CDK7: variants seen among roughly 807,000 people sequenced by gnomAD.
The protein encoded by CDK7 is cyclin-dependent kinase 7.
In CDK7, 25 loss-of-function variants were observed where a neutral mutation model predicts 49.1. The observed-to-expected ratio is 0.51, with a 90% confidence interval of 0.37 to 0.71. The LOEUF is 0.71. Among genes scored for constraint, CDK7 ranks in the 30% least tolerant of loss-of-function variants. The pLI is 0.00. For synonymous variants in CDK7, 107 were observed against 140.0 expected (o/e 0.76, Z 1.67); for missense variants, 316 against 411.7 (o/e 0.77, Z 2.01).
chr5:69,249,427 G>A (rs1749989442), intron 2 of CDK7, among the ~76,000 whole-genome samples: 1 of 152,054 alleles, frequency 6.6e-6, no homozygotes, highest in Admixed American at 6.6e-5. Flanking sequence ...TGTGGTCCCA[G>A]CTTCTTGGGG....
intron 5 of CDK7, 44 bp downstream of exon 5, chr5:69,255,572 C>T (rs1750430144): frequency 1.6e-6 from 2 of 1,285,280 alleles, no homozygotes. Flanking sequence ...CCCAGTTTAT[C>T]AAACAAGAAC....
intron 4 of CDK7, 115 bp downstream of exon 4, chr5:69,254,784 T>TAA: frequency 1.6e-6 from 1 of 639,764 alleles, no homozygotes; most frequent in South Asian, 2.0e-5. Flanking sequence ...TGTAGAAGCT[T>TAA]AAAGGAAATA....
intron 6 of CDK7, among the ~76,000 whole-genome samples, chr5:69,258,888 C>T (rs913464843): frequency 6.6e-6 from 1 of 151,928 alleles, no homozygotes; most frequent in African/African-American, 2.4e-5. Flanking sequence ...CCAGCCTGGG[C>T]AATATAGTGA....
In CDK7 at chr5:69,234,936, G is replaced by GCT. The variant is rs773214219; in HGVS notation, c.-38_-37dup. The GCT allele has an allele frequency of 1.0e-4, 159 of 1,561,412 alleles. No homozygotes were observed. The highest frequency in any genetic ancestry group is 1.3e-4 in the Non-Finnish European group (153 of 1,149,862). ...GCTTTAAATTCGTGTTGTCCTGGGA[G>GCT]CTCGCCCTTTTCGGCTGGAGTCGGG... On this transcript the variant is annotated 5_prime_UTR_variant, in exon 1 of 12. Transcript: ENST00000256443.
At chr5:69,236,954 CTT>C (rs4053029) in intron 2 of CDK7, among the ~76,000 whole-genome samples, 152 of 84,262 alleles carry the variant, frequency 1.8e-3, no homozygotes, top group South Asian at 0.018. Context: ...GCCTGGCCTT[CTT>C]TTTTTTTTTT....
intron 3 of CDK7, among the ~76,000 whole-genome samples, chr5:69,254,248 G>A (rs555894434): frequency 6.6e-6 from 1 of 152,262 alleles, no homozygotes; most frequent in East Asian, 1.9e-4. Flanking sequence ...TTGTGGCTGG[G>A]TGTGGTGGCT....
chr5:69,275,738 C>T (rs550313274), intron 10 of CDK7, among the ~76,000 whole-genome samples: 25 of 152,224 alleles, frequency 1.6e-4, no homozygotes, highest in African/African-American at 5.1e-4. Context: ...CTTAGGGAGG[C>T]GGAGGCGGGA....
chr5:69,259,894 T>C lies in CDK7; in HGVS notation c.485T>C (p.Phe162Ser), dbSNP rs771273531. Reference sequence around the variant, plus strand: ...GCAGATTTTGGCCTGGCCAAATCTTTTGGGAGCCCCAATAGAGCTTATACA... The same window carrying C: ...GCAGATTTTGGCCTGGCCAAATCTTCTGGGAGCCCCAATAGAGCTTATACA... The part of the protein sequence containing the change: ...KLADFGLAKS[F>S]GSPNRAYTHQ... The change falls in exon 7 of 12, where the codon TTT (phenylalanine) becomes TCT (serine). Residue 162 changes from phenylalanine (F) to serine (S), a missense_variant. Physicochemically the swap from Phe to Ser is radical, Grantham distance 155. Coordinates refer to ENST00000256443, the MANE Select transcript of CDK7 (RefSeq NM_001799.4). 7 of 1,613,830 alleles carry C rather than the reference T, an allele frequency of 4.3e-6. No homozygotes were observed. Among genetic ancestry groups the C allele is most frequent in the African/African-American group, 2.7e-5 (2 of 74,930 alleles).
At chr5:69,267,938 ATAT>A (rs1415930108) in intron 8 of CDK7, among the ~76,000 whole-genome samples, 1 of 152,104 alleles carries the variant, frequency 6.6e-6, no homozygotes, top group Non-Finnish European at 1.5e-5. Context: ...AATAGTTGTA[ATAT>A]TATTTAATAT....
chr5:69,255,625 G>GA, intron 5 of CDK7, 97 bp downstream of exon 5: 1 of 893,640 alleles, frequency 1.1e-6, no homozygotes, highest in Non-Finnish European at 1.9e-6. Context: ...GGTAGTAAAA[G>GA]AAAAAAAGCT....
chr5:69,270,441 C>T (rs1751455600), intron 9 of CDK7, among the ~76,000 whole-genome samples: 1 of 152,164 alleles, frequency 6.6e-6, no homozygotes, highest in African/African-American at 2.4e-5. Flanking sequence ...GAGTGAGTCC[C>T]TGTCTCAAAA....
Position 69,234,993 on chromosome 5 carries a change from G to A in CDK7, c.18G>A (p.Lys6=). The part of the protein sequence containing the change: MALDV[K]SRAKRYEKLD... Reference sequence around the variant, plus strand: ...GGCGCCGGATGGCTCTGGACGTGAAGTCTCGGGCAAAGCGTTATGAGAAGC... The same window carrying A: ...GGCGCCGGATGGCTCTGGACGTGAAATCTCGGGCAAAGCGTTATGAGAAGC... Residue 6 remains lysine (K), a synonymous_variant, in exon 1 of 12, where the codon AAG becomes AAA. Coordinates refer to ENST00000256443, the MANE Select transcript of CDK7 (RefSeq NM_001799.4). 6.2e-7 allele frequency: 1 copy of A among 1,601,152 alleles called. No individual in the cohort carries two copies. The highest frequency in any genetic ancestry group is 8.5e-7 in the Non-Finnish European group (1 of 1,174,270).
chr5:69,276,774 A>T (rs1425076870), intron 11 of CDK7, 84 bp downstream of exon 11: 3 of 1,128,750 alleles, frequency 2.7e-6, no homozygotes, highest in Non-Finnish European at 3.9e-6. Context: ...GAACAACAGC[A>T]AAGAAATGTA....
intron 2 of CDK7, among the ~76,000 whole-genome samples, chr5:69,239,481 G>A (rs1749225914): frequency 6.6e-6 from 1 of 151,940 alleles, no homozygotes; most frequent in African/African-American, 2.4e-5. Flanking sequence ...TTGTTGTCCA[G>A]TCTGGTATCA....
rs576549235 is a variant in CDK7 at position 69,254,185 on chromosome 5, G to A, written c.161-417G>A. 2.6e-5 allele frequency among the ~76,000 whole-genome samples: 4 copies of A among 152,158 alleles called. No individual in the cohort carries two copies. The South Asian group carries it at 8.3e-4, about 32-fold the overall frequency. ...TTGTCAAAGTAGCCCTTATTTTTGT[G>A]GGTAATGTTCACTATTTTCTGAGAT... On this transcript the variant is annotated intron_variant, in intron 3 of 11. Transcript: ENST00000256443.
At chr5:69,235,117 G>A in intron 1 of CDK7, 76 bp downstream of exon 1, 2 of 1,393,498 alleles carry the variant, frequency 1.4e-6, no homozygotes, top group East Asian at 2.5e-5. Flanking sequence ...GGGTTTTCCC[G>A]TGGAGGCCAG....
intron 2 of CDK7, among the ~76,000 whole-genome samples, chr5:69,238,285 CTTT>C (rs11291825): frequency 1.5e-4 from 19 of 129,984 alleles, no homozygotes; most frequent in Admixed American, 4.8e-4. Context: ...TTTTTTTTTC[CTTT>C]TTTTTTTTTT....
intron 9 of CDK7, among the ~76,000 whole-genome samples, chr5:69,271,178 T>G (rs138790508): frequency 6.6e-6 from 1 of 152,360 alleles, no homozygotes; most frequent in Admixed American, 6.5e-5. Context: ...TGTGTCATGA[T>G]AGCTCATTTT....
intron 2 of CDK7, among the ~76,000 whole-genome samples, chr5:69,238,144 A>G (rs1749127071): frequency 2.0e-5 from 3 of 152,208 alleles, no homozygotes; most frequent in Admixed American, 2.0e-4. Flanking sequence ...CATCCTTTTA[A>G]AAAGATTATG....
Sources: allele counts gnomAD v4.1 joint callset (sites outside exome capture counted in the v4.1 genomes callset), GRCh38; gene constraint gnomAD v4.1.1; transcripts MANE v1.5; gene names NCBI Gene and HGNC (gene_info 2026-07-23, HGNC 2026-07-21).